The following ADARB2 variants were observed in gnomAD, a reference collection of about 807,000 sequenced individuals.
ADARB2 encodes the protein adenosine deaminase RNA specific B2 (inactive).
A neutral mutation model predicts 62.2 loss-of-function variants in ADARB2; 25 were observed. That is an observed-to-expected ratio of 0.40 (90% CI 0.29 to 0.56). The LOEUF is 0.56. ADARB2 is among the 20% of genes least tolerant of loss of function. The probability of loss-of-function intolerance (pLI) is 0.43; values close to 1 mark genes in which losing one functional copy is unlikely to be tolerated. For synonymous variants in ADARB2, 572 were observed against 500.8 expected (o/e 1.14, Z -1.90); for missense variants, 1,071 against 1,077.4 (o/e 0.99, Z 0.08).
chr10:1,609,160 G>C (rs1328986545), intron 1 of ADARB2, among the ~76,000 whole-genome samples: 2 of 152,194 alleles, frequency 1.3e-5, no homozygotes, highest in Non-Finnish European at 2.9e-5. Context: ...GACGCTTTTC[G>C]GATTCGCTCA....
At chr10:1,641,762 C>T (rs1182717607) in intron 1 of ADARB2, among the ~76,000 whole-genome samples, 79 of 152,192 alleles carry the variant, frequency 5.2e-4, no homozygotes, top group Non-Finnish European at 8.8e-5. Context: ...CCTGTCATCC[C>T]AGCACTTTAG....
intron 1 of ADARB2, among the ~76,000 whole-genome samples, chr10:1,682,605 G>C (rs544429990): frequency 2.6e-5 from 4 of 152,158 alleles, no homozygotes; most frequent in African/African-American, 9.7e-5. Context: ...AATGGCAACT[G>C]CATCTCCCAC....
chr10:1,737,161 C>T lies in ADARB2; in HGVS notation c.-11G>A. 3.1e-6 allele frequency: 5 copies of T among 1,604,362 alleles called. No individual in the cohort carries two copies. The highest frequency in any genetic ancestry group is 1.7e-5 in the Admixed American group (1 of 60,028). On this transcript the variant is annotated 5_prime_UTR_variant, in exon 1 of 10. Transcript: ENST00000381312. ...CAGGACCGAGGCCATGGCCGAGACC[C>T]AGGCGCGGAGCCCAGAGCCGCCTCC...
At chr10:1,631,973 C>A (rs1056454360) in intron 1 of ADARB2, among the ~76,000 whole-genome samples, 1 of 152,176 alleles carries the variant, frequency 6.6e-6, no homozygotes, top group African/African-American at 2.4e-5. Context: ...TTGCCATGCA[C>A]TGCCTTAGGA....
intron 1 of ADARB2, among the ~76,000 whole-genome samples, chr10:1,514,541 T>C (rs1005285658): frequency 3.3e-5 from 5 of 152,170 alleles, no homozygotes; most frequent in South Asian, 2.1e-4. Flanking sequence ...CACAGTCTGA[T>C]AGAACTTGGT....
chr10:1,195,669 T>C (rs953773139), intron 8 of ADARB2, among the ~76,000 whole-genome samples: 1 of 152,018 alleles, frequency 6.6e-6, no homozygotes, highest in Non-Finnish European at 1.5e-5. Context: ...TCTGAATCCA[T>C]GGAGAGGCTG....
rs572730488 is a variant in ADARB2, at chr10:1,702,069, G to A, written c.100+34982C>T. 1.2e-4 allele frequency among the ~76,000 whole-genome samples: 18 copies of A among 152,382 alleles called. No homozygotes were observed. The South Asian group carries it at 3.7e-3, about 32-fold the overall frequency. ...TCAGAGTTCACCTGCTGATGTAGAAGCCCTGATTGGCCATTCCCTGAAGAT... is the reference window on the plus strand; with the variant it reads ...TCAGAGTTCACCTGCTGATGTAGAAACCCTGATTGGCCATTCCCTGAAGAT... On this transcript the variant is annotated intron_variant, in intron 1 of 9. Coordinates refer to ENST00000381312, the MANE Select transcript of ADARB2 (RefSeq NM_018702.4).
chr10:1,498,648 C>T (rs1831722726), intron 1 of ADARB2, among the ~76,000 whole-genome samples: 2 of 152,088 alleles, frequency 1.3e-5, no homozygotes, highest in Non-Finnish European at 2.9e-5. Flanking sequence ...ATATAATAAA[C>T]ATGACACATG....
intron 6 of ADARB2, among the ~76,000 whole-genome samples, chr10:1,217,554 A>C (rs1244643893): frequency 6.6e-6 from 1 of 152,210 alleles, no homozygotes; most frequent in East Asian, 1.9e-4. Context: ...AGCCATTAAA[A>C]ATGTAAATAT....
At chr10:1,376,231 A>G (rs1832428620) in intron 2 of ADARB2, among the ~76,000 whole-genome samples, 1 of 151,918 alleles carries the variant, frequency 6.6e-6, no homozygotes, top group Non-Finnish European at 1.5e-5. Flanking sequence ...ATGAAAATAA[A>G]GTAAATAAAC....
intron 1 of ADARB2, among the ~76,000 whole-genome samples, chr10:1,385,519 C>T (rs1444569582): frequency 6.7e-6 from 1 of 150,118 alleles, no homozygotes; most frequent in African/African-American, 2.5e-5. Flanking sequence ...GGATGGGTTT[C>T]ACATTGGATA....
chr10:1,620,209 A>G (rs959558504), intron 1 of ADARB2, among the ~76,000 whole-genome samples: 3 of 152,142 alleles, frequency 2.0e-5, no homozygotes, highest in African/African-American at 7.2e-5. Flanking sequence ...ATAGAAAACC[A>G]AAAAAATCAA....
intron 7 of ADARB2, among the ~76,000 whole-genome samples, chr10:1,212,009 G>A (rs2131750071): frequency 6.6e-6 from 1 of 152,296 alleles, no homozygotes; most frequent in Admixed American, 6.5e-5. Flanking sequence ...CCTGCGCCGG[G>A]CATGGTGCCT....
intron 1 of ADARB2, among the ~76,000 whole-genome samples, chr10:1,470,990 C>T (rs570498240): frequency 3.1e-4 from 47 of 152,182 alleles, no homozygotes; most frequent in East Asian, 9.7e-4. Context: ...ACCCGGGAGG[C>T]GGAGCTTGCA....
chr10:1,504,089 C>T (rs180670646), intron 1 of ADARB2, among the ~76,000 whole-genome samples: 160 of 152,348 alleles, frequency 1.1e-3, no homozygotes, highest in Non-Finnish European at 2.0e-3. Flanking sequence ...TTTCATGAAG[C>T]AGGCACAAAT....
chr10:1,349,519 G>A (rs1564265110), intron 3 of ADARB2, among the ~76,000 whole-genome samples: 1 of 152,048 alleles, frequency 6.6e-6, no homozygotes. Flanking sequence ...CTACAACCTC[G>A]GGTCCTCAGA....
intron 1 of ADARB2, among the ~76,000 whole-genome samples, chr10:1,733,722 C>T (rs564966714): frequency 6.6e-6 from 1 of 152,234 alleles, no homozygotes; most frequent in Non-Finnish European, 1.5e-5. Context: ...CTAATACAGG[C>T]AGATATTACT....
In ADARB2 at chr10:1,310,432, GAAT is replaced by G. The variant is rs1264754135; in HGVS notation, c.1078-39366_1078-39364del. On this transcript the variant is annotated intron_variant, in intron 3 of 9. Coordinates refer to ENST00000381312, the MANE Select transcript of ADARB2 (RefSeq NM_018702.4). The stretch of plus-strand genomic sequence containing the variant: ...TGAATAACATTCCTTCATTGACTCT[GAAT>G]AACATTCCTTGGATGAAAGAAAAAC... Among the ~76,000 whole-genome samples, 5 of 149,088 alleles carry G rather than the reference GAAT, an allele frequency of 3.4e-5. No homozygotes were observed. In the South Asian group the frequency reaches 8.3e-4, roughly 25 times the overall value.
chr10:1,288,558 A>G (rs763176281), intron 3 of ADARB2, among the ~76,000 whole-genome samples: 20 of 152,232 alleles, frequency 1.3e-4, no homozygotes, highest in Admixed American at 6.5e-5. Flanking sequence ...CACTAGTTCC[A>G]TGAGGCCCCA....
Sources: gnomAD v4.1 joint callset for allele counts (sites outside exome capture counted in the v4.1 genomes callset) on GRCh38, gnomAD v4.1.1 for gene constraint, MANE v1.5 for transcripts, NCBI Gene and HGNC (gene_info 2026-07-23, HGNC 2026-07-21) for gene names.